LNX2: variants seen among roughly 807,000 people sequenced by gnomAD.
LNX2 encodes the protein ligand of numb-protein X 2.
In LNX2, 35 loss-of-function variants were observed where a neutral mutation model predicts 66.2. The observed-to-expected ratio is 0.53, with a 90% CI of 0.40 to 0.70. LNX2 has a LOEUF of 0.70. LNX2 is among the 30% of genes least tolerant of loss of function. The pLI is 0.00. For missense variants in LNX2, 791 were observed against 850.8 expected, an observed-to-expected ratio of 0.93 and a Z score of 0.87; for synonymous variants, 337 against 315.6, an observed-to-expected ratio of 1.07 and a Z score of -0.72.
At chr13:27,582,019 CTT>C (rs1955404323) in intron 1 of LNX2, among the ~76,000 whole-genome samples, 2 of 152,154 alleles carry the variant, frequency 1.3e-5, no homozygotes, top group South Asian at 4.2e-4. Context: ...TTAATTGTCT[CTT>C]TTGATTTTTT....
chr13:27,601,733 G>C (rs1259160980), intron 1 of LNX2, among the ~76,000 whole-genome samples: 3 of 151,986 alleles, frequency 2.0e-5, no homozygotes, highest in Non-Finnish European at 1.5e-5. Context: ...GTCATCTAGG[G>C]TGGAGTGTAG....
Position 27,568,057 on chromosome 13 carries a change from T to C in LNX2, c.656-218A>G, listed in dbSNP as rs1210931856. On this transcript the variant is annotated intron_variant, in intron 3 of 9. Coordinates refer to ENST00000316334, the MANE Select transcript of LNX2 (RefSeq NM_153371.4). ...AACTGATCAGTAAATAATAAATAGC[T>C]ACTATGTATCAGATCACTAGGGACG... Among the ~76,000 whole-genome samples, 3 of 152,216 alleles carry C rather than the reference T, an allele frequency of 2.0e-5. No homozygotes were observed. In the East Asian group the frequency reaches 5.8e-4, roughly 29 times the overall value.
chr13:27,569,057 A>C lies in LNX2; in HGVS notation c.627T>G (p.Pro209=). The C allele has an allele frequency of 2.5e-6, 4 of 1,613,738 alleles. No individual in the cohort carries two copies. Among genetic ancestry groups the C allele is most frequent in the Non-Finnish European group, 2.5e-6 (3 of 1,179,862 alleles). ...TWSEEPGLDN[P]AFEESAGADT... ...CAGCTCCAGCGCTCTCCTCAAAGGC[A>C]GGGTTGTCAAGGCCAGGCTCCTCAC... Residue 209 remains proline, a synonymous_variant, in exon 3 of 10, where the codon CCT becomes CCG. Transcript: ENST00000316334.
chr13:27,588,349 TG>T (rs1366965882), intron 1 of LNX2, among the ~76,000 whole-genome samples: 3 of 152,200 alleles, frequency 2.0e-5, no homozygotes, highest in Non-Finnish European at 4.4e-5. Context: ...TAAAAAGGAA[TG>T]AACTATTAAC....
chr13:27,579,601 A>G (rs565284956), intron 2 of LNX2, among the ~76,000 whole-genome samples: 1 of 152,356 alleles, frequency 6.6e-6, no homozygotes, highest in Non-Finnish European at 1.5e-5. Context: ...TTCAACTGCA[A>G]ATTAAATTCT....
chr13:27,548,059 T>C lies in LNX2; in HGVS notation c.*276A>G. On this transcript the variant is annotated 3_prime_UTR_variant, in exon 10 of 10. Coordinates refer to ENST00000316334, the MANE Select transcript of LNX2 (RefSeq NM_153371.4). ...ATCTGGGGCACAGTTTGGGTGAGCT[T>C]TGCTCATTACCATAGGTAACATTTT... 2.7e-6 allele frequency: 1 copy of C among 372,956 alleles called. No individual in the cohort carries two copies. The highest frequency in any genetic ancestry group is 3.6e-5 in the South Asian group (1 of 27,638). The allele number at this position is 372,956 out of a possible 1,614,324, so 23.1% of individuals were successfully genotyped here. A position where few individuals can be genotyped will look rare whatever the true frequency, so the allele number is the denominator to read the frequency against.
rs184658518 is a variant in LNX2, at chr13:27,606,170, T to G, written c.-101+14205A>C. ...CAAATAATTTTTAATTAAGCACAAC[T>G]TGTACTACAAAATTCCCTAATAATC... On this transcript the variant is annotated intron_variant, in intron 1 of 9. Coordinates refer to ENST00000316334, the MANE Select transcript of LNX2 (RefSeq NM_153371.4). 2.0e-4 allele frequency among the ~76,000 whole-genome samples: 31 copies of G among 152,328 alleles called. 1 individual carries two copies. In the East Asian group the frequency reaches 5.8e-3, roughly 28 times the overall value.
chr13:27,553,318 C>T lies in LNX2; in HGVS notation c.1668G>A (p.Gln556=), dbSNP rs761565673. ...PAVALKALEV[Q]IVEEATQNAE... is the part of the protein sequence containing the mutation. ...CGTTCTGAGTCGCCTCCTCAACAAT[C>T]TGGACCTCAAGTGCTTTAAGGGCAA... Residue 556 remains glutamine, a synonymous_variant, in exon 8 of 10, where the codon CAG becomes CAA. Transcript: ENST00000316334. 2 of 1,614,208 alleles carry T rather than the reference C, an allele frequency of 1.2e-6. No homozygotes were observed.
In LNX2 at chr13:27,547,453, G is replaced by T. The variant is rs1954953788; in HGVS notation, c.*882C>A. 3 of 152,252 alleles carry T rather than the reference G, an allele frequency of 2.0e-5. No homozygotes were observed. Among genetic ancestry groups the T allele is most frequent in the Admixed American group, 2.0e-4 (3 of 15,296 alleles). 9.4% of individuals were successfully genotyped at this position (152,252 alleles called of 1,614,324 possible). On this transcript the variant is annotated 3_prime_UTR_variant, in exon 10 of 10. Transcript: ENST00000316334. ...TAGTATATTAAGAAATTTCTTTAGTGTTGTCAGACTTATTTCTTCATCTTC... is the reference window on the plus strand; with the variant it reads ...TAGTATATTAAGAAATTTCTTTAGTTTTGTCAGACTTATTTCTTCATCTTC...
At chr13:27,612,021 T>C (rs1187142579) in intron 1 of LNX2, among the ~76,000 whole-genome samples, 4 of 152,164 alleles carry the variant, frequency 2.6e-5, no homozygotes, top group African/African-American at 4.8e-5. Flanking sequence ...CTTGAAGAGA[T>C]AACAGGCACA....
chr13:27,588,336 C>T (rs1265972029), intron 1 of LNX2, among the ~76,000 whole-genome samples: 3 of 152,000 alleles, frequency 2.0e-5, no homozygotes, highest in East Asian at 1.9e-4. Flanking sequence ...TTTTACTCAG[C>T]GATAAAAAGG....
chr13:27,560,935 GAAAC>G (rs887087611), intron 5 of LNX2, among the ~76,000 whole-genome samples: 2 of 152,220 alleles, frequency 1.3e-5, no homozygotes, highest in Middle Eastern at 3.4e-3. Context: ...AAAGAAGTAA[GAAAC>G]AAGTTTAATG....
chr13:27,606,953 T>C (rs1955723672), intron 1 of LNX2, among the ~76,000 whole-genome samples: 1 of 152,210 alleles, frequency 6.6e-6, no homozygotes, highest in Non-Finnish European at 1.5e-5. Context: ...AAAATGAAGT[T>C]GCATGCCCAA....
At chr13:27,550,724 TACACAC>T (rs367620870) in intron 8 of LNX2, among the ~76,000 whole-genome samples, 3 of 150,680 alleles carry the variant, frequency 2.0e-5, no homozygotes, top group African/African-American at 7.3e-5. Context: ...CACACACACA[TACACAC>T]ACACACACAA....
At chr13:27,605,614 A>C (rs1222595358) in intron 1 of LNX2, among the ~76,000 whole-genome samples, 1 of 152,210 alleles carries the variant, frequency 6.6e-6, no homozygotes, top group Non-Finnish European at 1.5e-5. Context: ...ATAGGTAACC[A>C]TATTATCTTG....
chr13:27,618,402 C>G (rs1216722158), intron 1 of LNX2, among the ~76,000 whole-genome samples: 1 of 152,174 alleles, frequency 6.6e-6, no homozygotes, highest in Non-Finnish European at 1.5e-5. Context: ...TGATTCCACC[C>G]CAGGTAATCT....
intron 1 of LNX2, among the ~76,000 whole-genome samples, chr13:27,596,245 A>G (rs996535207): frequency 6.6e-6 from 1 of 152,238 alleles, no homozygotes; most frequent in African/African-American, 2.4e-5. Context: ...AATGCATAAA[A>G]TATATGCACA....
rs151233450 is a variant in LNX2 at position 27,562,609 on chromosome 13, T to G, written c.1028A>C (p.His343Pro). The change falls in exon 5 of 10, where the codon CAT becomes CCT. Residue 343 changes from histidine to proline, a missense_variant. By Grantham distance (77) the His-to-Pro change is moderately conservative. Coordinates refer to ENST00000316334, the MANE Select transcript of LNX2 (RefSeq NM_153371.4). ...AAGCTGTTCACCAGAGTCCCGTTTATGAAGAGCCACTTGGAAAATCTCTTC... is the reference window on the plus strand; with the variant it reads ...AAGCTGTTCACCAGAGTCCCGTTTAGGAAGAGCCACTTGGAAAATCTCTTC... ...PREEIFQVAL[H>P]KRDSGEQLGI... 5.6e-6 allele frequency: 9 copies of G among 1,614,192 alleles called. No homozygotes were observed. The highest frequency in any genetic ancestry group is 7.6e-6 in the Non-Finnish European group (9 of 1,180,026).
intron 1 of LNX2, among the ~76,000 whole-genome samples, chr13:27,604,007 C>T (rs1955686900): frequency 6.7e-6 from 1 of 150,202 alleles, no homozygotes; most frequent in Non-Finnish European, 1.5e-5. Flanking sequence ...GTAATCCCAG[C>T]ACGTTGGGAG....
Sources: gnomAD v4.1 joint callset for allele counts (sites outside exome capture counted in the v4.1 genomes callset) on GRCh38, gnomAD v4.1.1 for gene constraint, MANE v1.5 for transcripts, NCBI Gene and HGNC (gene_info 2026-07-23, HGNC 2026-07-21) for gene names.